GCN1: variants seen among roughly 807,000 people sequenced by gnomAD.
The protein encoded by GCN1 is GCN1 activator of EIF2AK4.
In GCN1, 90 loss-of-function variants were observed where a neutral mutation model predicts 288.4. The observed-to-expected ratio is 0.31, with a 90% CI of 0.26 to 0.37. The LOEUF (loss-of-function observed/expected upper bound fraction) is 0.37. Among genes scored for constraint, GCN1 ranks in the 10% least tolerant of loss-of-function variants. The pLI, the probability that GCN1 is intolerant of heterozygous loss-of-function variation, is 1.00. For synonymous variants in GCN1, 1,386 were observed against 1,420.2 expected, an observed-to-expected ratio of 0.98 and a Z score of 0.54; for missense variants, 2,586 against 3,419.9, an observed-to-expected ratio of 0.76 and a Z score of 6.08.
chr12:120,183,883 C>A (rs550342703), intron 4 of GCN1, among the ~76,000 whole-genome samples: 1 of 152,344 alleles, frequency 6.6e-6, no homozygotes, highest in East Asian at 1.9e-4. Context: ...TTGGCACTGA[C>A]AACTATAAAA....
chr12:120,177,031 G>T (rs1422597174), intron 9 of GCN1, among the ~76,000 whole-genome samples: 1 of 152,134 alleles, frequency 6.6e-6, no homozygotes, highest in African/African-American at 2.4e-5. Context: ...CTCCCAAACT[G>T]CCGGGATTAC....
At chr12:120,167,677 A>G (rs1238828949) in intron 16 of GCN1, among the ~76,000 whole-genome samples, 1 of 152,184 alleles carries the variant, frequency 6.6e-6, no homozygotes, top group Non-Finnish European at 1.5e-5. Flanking sequence ...AAATTTTTCT[A>G]AAACCAGGAA....
rs1877172974 is a variant in GCN1, at chr12:120,140,997, A to G, written c.5856T>C (p.Leu1952=). 5.6e-6 allele frequency: 9 copies of G among 1,613,824 alleles called. No homozygotes were observed. Among genetic ancestry groups the G allele is most frequent in the Non-Finnish European group, 7.6e-6 (9 of 1,179,846 alleles). Residue 1952 remains leucine (L), a synonymous_variant, in exon 45 of 58, where the codon CTT becomes CTC. Coordinates refer to ENST00000300648, the MANE Select transcript of GCN1 (RefSeq NM_006836.2). ...GGATTTTCTCCCCTAACTTCCGCAC[A>G]AGATCTCCCAATGTTCTCGCTGCAA... ...RTIAARTLGD[L]VRKLGEKILP... is the part of the protein sequence containing the mutation.
At position 120,140,842 on chromosome 12, in the gene GCN1, C is replaced by A; in HGVS notation, c.5994+17G>T. The A allele has an allele frequency of 1.9e-6, 3 of 1,610,850 alleles. No homozygotes were observed. Among genetic ancestry groups the A allele is most frequent in the Non-Finnish European group, 2.5e-6 (3 of 1,178,278 alleles). ...GTCTGCAGTGCACAGCTGGCGGGAT[C>A]CTTGGAAGATACTCACGGCATCCCG... On this transcript the variant is annotated intron_variant, in intron 45 of 57. Transcript: ENST00000300648.
At chr12:120,148,057 T>G in intron 37 of GCN1, 110 bp downstream of exon 37, 1 of 737,752 alleles carries the variant, frequency 1.4e-6, no homozygotes, top group Non-Finnish European at 2.2e-6. Flanking sequence ...TGAACATATT[T>G]GTCCTCGGAG....
intron 15 of GCN1, among the ~76,000 whole-genome samples, chr12:120,169,702 C>T (rs1878257403): frequency 6.6e-6 from 1 of 152,152 alleles, no homozygotes; most frequent in Non-Finnish European, 1.5e-5. Flanking sequence ...CGGGGTTTCA[C>T]CATGTTGGCC....
At chr12:120,160,290 C>G (rs1877883893) in intron 22 of GCN1, 35 bp from the exon 23 acceptor site, 2 of 1,432,530 alleles carry the variant, frequency 1.4e-6, no homozygotes, top group Admixed American at 3.3e-5. Context: ...AATCCCATCT[C>G]CAGGGAACAG....
intron 56 of GCN1, 32 bp downstream of exon 56, chr12:120,130,614 A>C: frequency 1.4e-6 from 2 of 1,418,124 alleles, no homozygotes; most frequent in Non-Finnish European, 2.0e-6. Flanking sequence ...GCCAGGTGTT[A>C]GGGCTTAAAC....
rs185437273 is a variant in GCN1, at chr12:120,172,197, A to G, written c.1366+1456T>C. ...GTTTTTAAGTCATGGATGTGAGTTCACTATATCCCTAAGGCAGCTGAAAAT... is the reference window on the plus strand; with the variant it reads ...GTTTTTAAGTCATGGATGTGAGTTCGCTATATCCCTAAGGCAGCTGAAAAT... On this transcript the variant is annotated intron_variant, in intron 14 of 57. Transcript: ENST00000300648. Among the ~76,000 whole-genome samples the G allele has an allele frequency of 3.2e-4, 49 of 152,258 alleles. 1 individual carries two copies. The highest frequency in any genetic ancestry group is 2.9e-3 in the Admixed American group (44 of 15,286).
chr12:120,169,045 C>T (rs1291584038), intron 15 of GCN1, among the ~76,000 whole-genome samples: 2 of 152,078 alleles, frequency 1.3e-5, no homozygotes, highest in Non-Finnish European at 2.9e-5. Flanking sequence ...CCTGTAATCC[C>T]AGCACATTGG....
intron 45 of GCN1, 153 bp from the exon 46 acceptor site, chr12:120,139,009 T>TTA (rs1877103314): frequency 1.6e-6 from 1 of 607,444 alleles, no homozygotes; most frequent in Non-Finnish European, 2.7e-6. Context: ...TACTGTGAAA[T>TTA]AAAAAAAAGG....
chr12:120,152,872 G>A (rs994770430), intron 33 of GCN1, among the ~76,000 whole-genome samples: 1 of 151,814 alleles, frequency 6.6e-6, no homozygotes, highest in East Asian at 1.9e-4. Flanking sequence ...CCCAGTGCAC[G>A]TTAGTGAATA....
chr12:120,154,008 G>A (rs1419432845), intron 31 of GCN1, 99 bp from the exon 32 acceptor site: 4 of 987,494 alleles, frequency 4.1e-6, no homozygotes, highest in African/African-American at 1.6e-5. Context: ...GAGCTTGCCT[G>A]AGGCAAACAC....
Position 120,158,487 on chromosome 12 carries a change from T to C in GCN1, c.2878A>G (p.Thr960Ala). Residue 960 changes from threonine to alanine, a missense_variant, in exon 25 of 58, where the codon ACC becomes GCC. Physicochemically the swap from Thr to Ala is moderately conservative, Grantham distance 58. Transcript: ENST00000300648. The surrounding 1 kb of genome is among the most constrained non-coding windows in gnomAD (Gnocchi z 4.3). Reference sequence around the variant, plus strand: ...GGCTCCCCCTTGCCCACCCTGCTGGTGATGGTGTGGGTGTGCAGCAGCATC... The same window carrying C: ...GGCTCCCCCTTGCCCACCCTGCTGGCGATGGTGTGGGTGTGCAGCAGCATC... ...AVMLLHTHTITSRVGKGEPGA... is the reference protein window; with the variant it reads ...AVMLLHTHTIASRVGKGEPGA... The C allele has an allele frequency of 6.4e-7, 1 of 1,558,652 alleles. No homozygotes were observed.
rs1877799605 is a variant in GCN1 at position 120,157,831 on chromosome 12, C to T, written c.3087+18G>A. ...GATCCCCTTTAAACCAAGAGGAGAG[C>T]AGAGCTTCCCTGCCAACCTCGTCCA... On this transcript the variant is annotated intron_variant, in intron 26 of 57. Coordinates refer to ENST00000300648, the MANE Select transcript of GCN1 (RefSeq NM_006836.2). 1.2e-6 allele frequency: 2 copies of T among 1,608,280 alleles called. No individual in the cohort carries two copies. Among genetic ancestry groups the T allele is most frequent in the Non-Finnish European group, 1.7e-6 (2 of 1,175,862 alleles).
At chr12:120,174,299 T>C (rs1878402649) in intron 12 of GCN1, 130 bp from the exon 13 acceptor site, 1 of 633,116 alleles carries the variant, frequency 1.6e-6, no homozygotes, top group South Asian at 1.7e-5. Flanking sequence ...ACCTCTCCTT[T>C]GGCCATTATT....
Position 120,162,942 on chromosome 12 carries a change from G to A in GCN1, c.2068C>T (p.Leu690Phe). 6.2e-7 allele frequency: 1 copy of A among 1,614,244 alleles called. No homozygotes were observed. Among genetic ancestry groups the A allele is most frequent in the Non-Finnish European group, 8.5e-7 (1 of 1,180,050 alleles). Residue 690 changes from leucine (L) to phenylalanine (F), a missense_variant, in exon 20 of 58, where the codon CTT becomes TTT. Leu to Phe is a conservative substitution (Grantham distance 22). Around this residue, in one of 8 missense-constraint regions of GCN1, gnomAD observed 913 missense variants for 1,107.0 expected, o/e 0.82. Transcript: ENST00000300648. ...GGATCGATCTTCATCCTGGCAAGAA[G>A]TGCTGGCCAAAGTCCAGACTGCACG... ...VAVQSGLWPA[L>F]LARMKIDPEA...
intron 15 of GCN1, among the ~76,000 whole-genome samples, chr12:120,169,414 T>C (rs1409349412): frequency 6.7e-6 from 1 of 148,574 alleles, no homozygotes; most frequent in Non-Finnish European, 1.5e-5. Context: ...ATAGTATATA[T>C]ATTATATATT....
In GCN1 at chr12:120,142,218, CG is replaced by C. The variant is rs564049617; in HGVS notation, c.5829+288del. Among the ~76,000 whole-genome samples, 244 of 151,998 alleles carry C rather than the reference CG, an allele frequency of 1.6e-3. No individual in the cohort carries two copies. The highest frequency in any genetic ancestry group is 5.7e-3 in the African/African-American group (236 of 41,440). ...GTGGATGCCTGTAGTCCCAGCTACT[CG>C]GGAGGCTGAGGCAGGAGAATGGCAT... On this transcript the variant is annotated intron_variant, in intron 44 of 57. Coordinates refer to ENST00000300648, the MANE Select transcript of GCN1 (RefSeq NM_006836.2). This position sits in a 1 kb window ranked among gnomAD's most constrained non-coding sequence, Gnocchi z 4.9.
Sources: allele counts gnomAD v4.1 joint callset (sites outside exome capture counted in the v4.1 genomes callset), GRCh38; gene constraint gnomAD v4.1.1; regional missense constraint gnomAD v4.1.1; non-coding constraint Gnocchi (gnomAD v3.1); transcripts MANE v1.5; gene names NCBI Gene and HGNC (gene_info 2026-07-23, HGNC 2026-07-21).